Variants in MOGAT2 observed in about 807,000 individuals in gnomAD.
The protein encoded by MOGAT2 is 2-acylglycerol O-acyltransferase 2.
MOGAT2 carries 27 observed loss-of-function variants against 31.5 expected under a neutral mutation model. The observed-to-expected ratio is 0.86, with a 90% confidence interval of 0.63 to 1.18. MOGAT2 has a LOEUF of 1.18. MOGAT2 is among the 50% of genes most tolerant of loss of function. The pLI is 0.00. For synonymous variants in MOGAT2, 163 were observed against 170.0 expected (o/e 0.96, Z 0.32); for missense variants, 436 against 433.2 (o/e 1.01, Z -0.06).
chr11:75,722,354 C>T (rs1944383251), intron 2 of MOGAT2, among the ~76,000 whole-genome samples: 2 of 152,172 alleles, frequency 1.3e-5, no homozygotes. Flanking sequence ...GTGCTGTGGC[C>T]AGCCTGGGGA....
Position 75,719,992 on chromosome 11 carries a change from C to G in MOGAT2, c.92C>G (p.Ala31Gly). Reference sequence around the variant, plus strand: ...TGACAGCTCCTTCTTCCCTCCCCAGCCGAGATCTGCACTGTGGGCTTCATA... The same window carrying G: ...TGACAGCTCCTTCTTCCCTCCCCAGGCGAGATCTGCACTGTGGGCTTCATA... ...LQFVFSFLAL[A>G]EICTVGFIAL... Residue 31 changes from alanine (A) to glycine (G), a missense_variant and splice_region_variant, in exon 2 of 6, where the codon GCC becomes GGC. By Grantham distance (60) the Ala-to-Gly change is moderately conservative. Coordinates refer to ENST00000198801, the MANE Select transcript of MOGAT2 (RefSeq NM_025098.4). 6.2e-7 allele frequency: 1 copy of G among 1,612,962 alleles called. No homozygotes were observed. Among genetic ancestry groups the G allele is most frequent in the Non-Finnish European group, 8.5e-7 (1 of 1,179,748 alleles).
chr11:75,729,121 C>A, intron 5 of MOGAT2, 132 bp downstream of exon 5: 1 of 795,400 alleles, frequency 1.3e-6, no homozygotes, highest in Non-Finnish European at 2.1e-6. Context: ...GGGAAACATA[C>A]ACACACAAGC....
chr11:75,730,614 T>C (rs1040958564), intron 5 of MOGAT2, among the ~76,000 whole-genome samples: 4 of 152,124 alleles, frequency 2.6e-5, no homozygotes, highest in African/African-American at 9.6e-5. Context: ...CCTGACACAT[T>C]GAAATCCAGC....
chr11:75,722,214 C>A (rs1308002255), intron 2 of MOGAT2, among the ~76,000 whole-genome samples: 1 of 152,192 alleles, frequency 6.6e-6, no homozygotes, highest in Non-Finnish European at 1.5e-5. Context: ...ATGGACGTGT[C>A]AGAGGCAGAG....
intron 4 of MOGAT2, chr11:75,728,586 T>A: frequency 1.7e-6 from 1 of 601,056 alleles, no homozygotes; most frequent in South Asian, 2.0e-5. Flanking sequence ...ACTGGGAAGT[T>A]GTGGCCCTGC....
At chr11:75,723,786 C>A (rs1177442184) in intron 2 of MOGAT2, among the ~76,000 whole-genome samples, 2 of 152,150 alleles carry the variant, frequency 1.3e-5, no homozygotes, top group Non-Finnish European at 2.9e-5. Context: ...ATAGCAGCCC[C>A]CAGAGCCTAG....
intron 2 of MOGAT2, among the ~76,000 whole-genome samples, chr11:75,726,842 G>GT (rs1944425692): frequency 1.3e-5 from 2 of 151,930 alleles, no homozygotes; most frequent in South Asian, 4.1e-4. Flanking sequence ...GGGATTACAG[G>GT]TGCCCGCCAC....
chr11:75,718,470 G>A (rs765246854), intron 1 of MOGAT2, among the ~76,000 whole-genome samples: 6 of 152,128 alleles, frequency 3.9e-5, no homozygotes, highest in Non-Finnish European at 8.8e-5. Flanking sequence ...GGCATGCTGG[G>A]TACCAGGAAA....
At chr11:75,718,570 C>A (rs1421228877) in intron 1 of MOGAT2, among the ~76,000 whole-genome samples, 1 of 152,248 alleles carries the variant, frequency 6.6e-6, no homozygotes, top group East Asian at 1.9e-4. Context: ...AGAACGGGGA[C>A]AACAATGCTG....
chr11:75,728,209 G>A, intron 4 of MOGAT2, 65 bp downstream of exon 4: 1 of 1,501,348 alleles, frequency 6.7e-7, no homozygotes, highest in Admixed American at 1.9e-5. Context: ...TTATTTTGGT[G>A]GGAAGATGGC....
chr11:75,726,043 C>T (rs1425763456), intron 2 of MOGAT2, among the ~76,000 whole-genome samples: 4 of 152,232 alleles, frequency 2.6e-5, no homozygotes, highest in Non-Finnish European at 4.4e-5. Flanking sequence ...TGGCCAGGAG[C>T]AGCATTTGTT....
chr11:75,718,052 A>G, intron 1 of MOGAT2, 73 bp downstream of exon 1: 1 of 1,390,410 alleles, frequency 7.2e-7, no homozygotes, highest in Admixed American at 1.7e-5. Context: ...CCAGGTGCAC[A>G]CAGCACATTG....
chr11:75,731,402 A>G lies in MOGAT2; in HGVS notation c.*116A>G. 8.2e-7 allele frequency: 1 copy of G among 1,220,076 alleles called. No homozygotes were observed. Among genetic ancestry groups the G allele is most frequent in the Non-Finnish European group, 1.1e-6 (1 of 885,668 alleles). The allele number at this position is 1,220,076 out of a possible 1,614,324, so 75.6% of individuals were successfully genotyped here. On this transcript the variant is annotated 3_prime_UTR_variant, in exon 6 of 6. Coordinates refer to ENST00000198801, the MANE Select transcript of MOGAT2 (RefSeq NM_025098.4). Reference sequence around the variant, plus strand: ...AGCCTTCCCAGACTCCTGCAAATCCAACCCATATCAGGCTGTAAGTCAGAG... The same window carrying G: ...AGCCTTCCCAGACTCCTGCAAATCCGACCCATATCAGGCTGTAAGTCAGAG...
chr11:75,727,532 C>T lies in MOGAT2; in HGVS notation c.368C>T (p.Thr123Ile). Residue 123 changes from threonine (T) to isoleucine (I), a missense_variant, in exon 3 of 6, where the codon ACT (threonine) becomes ATT (isoleucine). Transcript: ENST00000198801. ...LAVGAFANLC[T>I]ESTGFSSIFP... is the part of the protein sequence containing the mutation. ...GTCGGAGCCTTTGCCAACCTGTGCA[C>T]TGAGAGCACAGGCTTCTCTTCGATC... 1 of 1,614,078 alleles carries T rather than the reference C, an allele frequency of 6.2e-7. No individual in the cohort carries two copies. Among genetic ancestry groups the T allele is most frequent in the East Asian group, 2.2e-5 (1 of 44,890 alleles).
At chr11:75,731,075 C>T in intron 5 of MOGAT2, 57 bp from the exon 6 acceptor site, 4 of 1,538,962 alleles carry the variant, frequency 2.6e-6, no homozygotes, top group Non-Finnish European at 3.5e-6. Context: ...GGGGTGGGCA[C>T]CTGCACCGAG....
rs768196262 is a variant in MOGAT2 at position 75,720,090 on chromosome 11, C to A, written c.190C>A (p.Pro64Thr). The A allele has an allele frequency of 2.5e-6, 4 of 1,614,084 alleles. No homozygotes were observed. In the African/African-American group the frequency reaches 5.3e-5, roughly 22 times the overall value. ...AAWWYLDRDK[P>T]RQGGRHIQAI... ...CTGGTGGTATCTGGACCGAGACAAGCCACGGCAGGGGGGCCGGCACATCCA... is the reference window on the plus strand; with the variant it reads ...CTGGTGGTATCTGGACCGAGACAAGACACGGCAGGGGGGCCGGCACATCCA... The change falls in exon 2 of 6, where the codon CCA (proline) becomes ACA (threonine). Residue 64 changes from proline (P) to threonine (T), a missense_variant. Physicochemically the swap from Pro to Thr is conservative, Grantham distance 38 (BLOSUM62 -1). Coordinates refer to ENST00000198801, the MANE Select transcript of MOGAT2 (RefSeq NM_025098.4).
At chr11:75,727,888 G>A in intron 3 of MOGAT2, 82 bp from the exon 4 acceptor site, 1 of 1,402,086 alleles carries the variant, frequency 7.1e-7, no homozygotes, top group Non-Finnish European at 9.7e-7. Flanking sequence ...AGGCATTGCT[G>A]GTGATCTCTT....
intron 1 of MOGAT2, 149 bp from the exon 2 acceptor site, chr11:75,719,843 C>A: frequency 1.4e-6 from 1 of 727,018 alleles, no homozygotes; most frequent in Non-Finnish European, 2.3e-6. Context: ...TCTTTGAATG[C>A]CCCGGAAGCT....
At chr11:75,718,572 A>G (rs1379063695) in intron 1 of MOGAT2, among the ~76,000 whole-genome samples, 1 of 152,156 alleles carries the variant, frequency 6.6e-6, no homozygotes, top group Non-Finnish European at 1.5e-5. Context: ...AACGGGGACA[A>G]CAATGCTGGC....
Sources: gnomAD v4.1 joint callset for allele counts (sites outside exome capture counted in the v4.1 genomes callset) on GRCh38, gnomAD v4.1.1 for gene constraint, MANE v1.5 for transcripts, NCBI Gene and HGNC (gene_info 2026-07-23, HGNC 2026-07-21) for gene names.